RELN: variants seen among roughly 807,000 people sequenced by gnomAD.
The protein encoded by RELN is reelin.
In RELN, 108 loss-of-function variants were observed where a neutral mutation model predicts 427.6. That is an observed-to-expected ratio of 0.25 (90% confidence interval 0.22 to 0.30). The LOEUF (loss-of-function observed/expected upper bound fraction) is 0.30, where lower values mean the gene tolerates loss of function less well. RELN is among the 10% of genes least tolerant of loss of function. The pLI is 1.00. For missense variants in RELN, 3,715 were observed against 4,302.8 expected (o/e 0.86, Z 3.82); for synonymous variants, 1,524 against 1,513.4 (o/e 1.01, Z -0.16).
intron 27 of RELN, 37 bp downstream of exon 27, chr7:103,593,645 C>T (rs1399379954): frequency 6.4e-6 from 10 of 1,560,362 alleles, no homozygotes; most frequent in Non-Finnish European, 8.8e-6. Flanking sequence ...TATTTTACTC[C>T]TTAACTTGCT....
chr7:103,560,945 C>T (rs1390464314), intron 36 of RELN, among the ~76,000 whole-genome samples: 1 of 152,150 alleles, frequency 6.6e-6, no homozygotes, highest in Non-Finnish European at 1.5e-5. Flanking sequence ...TAGTCAATTT[C>T]CCCATGCTGA....
At chr7:103,834,448 T>C (rs1422820689) in intron 2 of RELN, among the ~76,000 whole-genome samples, 5 of 152,334 alleles carry the variant, frequency 3.3e-5, no homozygotes, top group African/African-American at 9.6e-5. Flanking sequence ...GTTGATGTTC[T>C]GTGACTTGCT....
chr7:103,659,233 T>C (rs2117407046), intron 12 of RELN, among the ~76,000 whole-genome samples: 1 of 152,088 alleles, frequency 6.6e-6, no homozygotes, highest in South Asian at 2.1e-4. Context: ...CCCTAACTGA[T>C]CTCTTGCCCT....
chr7:103,763,268 T>C (rs1791347696), intron 4 of RELN, among the ~76,000 whole-genome samples: 1 of 152,122 alleles, frequency 6.6e-6, no homozygotes, highest in Non-Finnish European at 1.5e-5. Flanking sequence ...TGGCTGGCAA[T>C]TAAAGAAATA....
At chr7:103,738,929 C>A (rs1243984438) in intron 6 of RELN, among the ~76,000 whole-genome samples, 5 of 152,048 alleles carry the variant, frequency 3.3e-5, no homozygotes, top group Non-Finnish European at 1.5e-5. Context: ...GATCCATCTG[C>A]CTTGGCCTCC....
At position 103,496,074 on chromosome 7, in the gene RELN, T is replaced by A. The variant is rs2528875; in HGVS notation, c.9194-176A>T. 0.18 allele frequency among the ~76,000 whole-genome samples: 27,529 copies of A among 152,126 alleles called. 2,589 individuals carry two copies. Among genetic ancestry groups the A allele is most frequent in the South Asian group, 0.29 (1,392 of 4,818 alleles). On this transcript the variant is annotated intron_variant, in intron 56 of 64. Transcript: ENST00000428762. ...TGATTTTTATTTTATTTAACTGGGATAATGCATAAATCCAACGTGAGAAAT... is the reference window on the plus strand; with the variant it reads ...TGATTTTTATTTTATTTAACTGGGAAAATGCATAAATCCAACGTGAGAAAT...
Position 103,857,694 on chromosome 7 carries a change from TG to T in RELN, c.338-24023del, listed in dbSNP as rs145987042. Among the ~76,000 whole-genome samples the T allele has an allele frequency of 6.3e-3, 961 of 152,270 alleles. 9 individuals carry two copies. The highest frequency in any genetic ancestry group is 0.021 in the African/African-American group (886 of 41,544). On this transcript the variant is annotated intron_variant, in intron 2 of 64. Transcript: ENST00000428762. The stretch of plus-strand genomic sequence containing the variant: ...CTCACAGTCAGGGAGGCTGAGCAGA[TG>T]ATTTACAGCTGACATCTAAGTGCTC...
intron 4 of RELN, among the ~76,000 whole-genome samples, chr7:103,766,912 C>T (rs911834900): frequency 2.0e-5 from 3 of 152,212 alleles, no homozygotes; most frequent in Admixed American, 6.5e-5. Flanking sequence ...CCGCTTCCAT[C>T]AACACAACAA....
chr7:103,474,844 A>T (rs1827978485), intron 64 of RELN, among the ~76,000 whole-genome samples: 1 of 151,956 alleles, frequency 6.6e-6, no homozygotes, highest in Admixed American at 6.5e-5. Flanking sequence ...AAACCCCTGA[A>T]ATACTAAGAA....
chr7:103,618,647 T>A (rs759928127), intron 20 of RELN, among the ~76,000 whole-genome samples: 25 of 152,226 alleles, frequency 1.6e-4, no homozygotes, highest in Non-Finnish European at 3.7e-4. Flanking sequence ...ATCTTTACCT[T>A]TCCTATTTAA....
chr7:103,657,238 C>T (rs1246361606), intron 12 of RELN, among the ~76,000 whole-genome samples: 4 of 151,978 alleles, frequency 2.6e-5, no homozygotes, highest in African/African-American at 4.8e-5. Context: ...ATCATATATT[C>T]AAGCATTTCC....
At chr7:103,951,400 G>A (rs953860223) in intron 1 of RELN, among the ~76,000 whole-genome samples, 2 of 152,178 alleles carry the variant, frequency 1.3e-5, no homozygotes, top group African/African-American at 4.8e-5. Flanking sequence ...TCCTATGATT[G>A]TCTTATCATT....
At chr7:103,806,447 C>T (rs1226477931) in intron 3 of RELN, among the ~76,000 whole-genome samples, 2 of 152,104 alleles carry the variant, frequency 1.3e-5, no homozygotes, top group African/African-American at 4.8e-5. Context: ...GCCTCAGCCT[C>T]CCAAGTAGCT....
intron 4 of RELN, among the ~76,000 whole-genome samples, chr7:103,773,100 T>TTCCTTCCTTTCTTTCTTTCTTTC (rs1791611584): frequency 1.6e-5 from 2 of 128,590 alleles, no homozygotes; most frequent in African/African-American, 6.1e-5. Flanking sequence ...GGTTCTCCTC[T>TTCCTTCCTTTCTTTCTTTCTTTC]TTTCTTTCTT....
At chr7:103,589,035 TA>T (rs1455790657) in intron 28 of RELN, among the ~76,000 whole-genome samples, 2 of 152,210 alleles carry the variant, frequency 1.3e-5, no homozygotes, top group Admixed American at 1.3e-4. Flanking sequence ...TGGGTGTACC[TA>T]AAAATATTGA....
intron 1 of RELN, among the ~76,000 whole-genome samples, chr7:103,922,891 G>A (rs1199861579): frequency 7.0e-6 from 1 of 142,854 alleles, no homozygotes; most frequent in Non-Finnish European, 1.5e-5. Flanking sequence ...AATATGTGCA[G>A]AAAAGAAATT....
intron 1 of RELN, among the ~76,000 whole-genome samples, chr7:103,948,681 T>A (rs1584393267): frequency 6.6e-6 from 1 of 151,894 alleles, no homozygotes; most frequent in East Asian, 1.9e-4. Flanking sequence ...CAAATAATAA[T>A]AAATTTGGGC....
intron 3 of RELN, among the ~76,000 whole-genome samples, chr7:103,785,599 T>C (rs1263197880): frequency 1.3e-5 from 2 of 152,136 alleles, no homozygotes; most frequent in East Asian, 1.9e-4. Flanking sequence ...ATAAACTGAA[T>C]GGACTGAACA....
At chr7:103,570,883 A>G (rs1340804252) in intron 31 of RELN, among the ~76,000 whole-genome samples, 1 of 152,216 alleles carries the variant, frequency 6.6e-6, no homozygotes, top group Non-Finnish European at 1.5e-5. Flanking sequence ...AACCTACCTC[A>G]TGATGAGGGA....
Sources: allele counts gnomAD v4.1 joint callset (sites outside exome capture counted in the v4.1 genomes callset), GRCh38; gene constraint gnomAD v4.1.1; transcripts MANE v1.5; gene names NCBI Gene and HGNC (gene_info 2026-07-23, HGNC 2026-07-21).